Variants in A2M observed in about 807,000 individuals in gnomAD.
A2M encodes the protein alpha-2-macroglobulin, also known as C3 and PZP-like alpha-2-macroglobulin domain-containing protein 5.
A2M carries 128 observed loss-of-function variants against 183.9 expected under a neutral mutation model. That is an observed-to-expected ratio of 0.70 (90% CI 0.60 to 0.81). The LOEUF is 0.81. A2M is among the 30% of genes least tolerant of loss of function. The pLI is 0.00. For synonymous variants in A2M, 592 were observed against 670.8 expected (o/e 0.88, Z 1.81); for missense variants, 1,495 against 1,787.6 (o/e 0.84, Z 2.95).
At position 9,071,963 on chromosome 12, in the gene A2M, G is replaced by A. The variant is rs566511473; in HGVS notation, c.4103+396C>T. ...ATTAATTATATCATATATAACCTGAGATTTATTATTGCCAGTAGGAATTCT... is the reference window on the plus strand; with the variant it reads ...ATTAATTATATCATATATAACCTGAAATTTATTATTGCCAGTAGGAATTCT... On this transcript the variant is annotated intron_variant, in intron 31 of 35. Transcript: ENST00000318602. 3.9e-5 allele frequency among the ~76,000 whole-genome samples: 6 copies of A among 152,180 alleles called. No individual in the cohort carries two copies. The South Asian group carries it at 1.0e-3, about 26-fold the overall frequency.
At position 9,102,182 on chromosome 12, in the gene A2M, G is replaced by C. The variant is rs147741566; in HGVS notation, c.1267-508C>G. Among the ~76,000 whole-genome samples the C allele has an allele frequency of 3.3e-5, 5 of 152,270 alleles. No homozygotes were observed. In the South Asian group the frequency reaches 6.2e-4, roughly 19 times the overall value. On this transcript the variant is annotated intron_variant, in intron 11 of 35. Transcript: ENST00000318602. ...GAGCTGAGCTGATGAATTAGCTGAAGTCTACCTCTTCTGGGCTATCTTAGG... is the reference window on the plus strand; with the variant it reads ...GAGCTGAGCTGATGAATTAGCTGAACTCTACCTCTTCTGGGCTATCTTAGG...
rs779549814 is a variant in A2M, at chr12:9,100,523, C to A, written c.1558+621G>T. On this transcript the variant is annotated intron_variant, in intron 13 of 35. Coordinates refer to ENST00000318602, the MANE Select transcript of A2M (RefSeq NM_000014.6). ...CAAACTCCTGACCTCAAGAGATCCT[C>A]CCATCCCGTTCTCCCAAAGTACTGG... Among the ~76,000 whole-genome samples, 5 of 152,200 alleles carry A rather than the reference C, an allele frequency of 3.3e-5. No individual in the cohort carries two copies. The East Asian group carries it at 9.6e-4, about 29-fold the overall frequency.
At position 9,106,350 on chromosome 12, in the gene A2M, A is replaced by G. The variant is rs1938281992; in HGVS notation, c.995-5T>C. On this transcript the variant is annotated splice_region_variant and splice_polypyrimidine_tract_variant and intron_variant, in intron 9 of 35. Coordinates refer to ENST00000318602, the MANE Select transcript of A2M (RefSeq NM_000014.6). The stretch of plus-strand genomic sequence containing the variant: ...GCCTTCCAGTCAATTCCACCACTGA[A>G]AAAAGAGAAAAAAATCTGTTATTTT... 1 of 1,581,670 alleles carries G rather than the reference A, an allele frequency of 6.3e-7. No individual in the cohort carries two copies.
chr12:9,080,114 C>A lies in A2M; in HGVS notation c.2834G>T (p.Arg945Leu). The change falls in exon 23 of 36, where the codon CGA (arginine) becomes CTA (leucine). Residue 945 changes from arginine (R) to leucine (L), a missense_variant. Coordinates refer to ENST00000318602, the MANE Select transcript of A2M (RefSeq NM_000014.6). ...LPPNVVEESA[R>L]ASVSVLGDIL... is the part of the protein sequence containing the mutation. ...CTCACCCAAAACTGAGACAGAAGCTCGGGCAGATTCTTCTACCACATTTGG... is the reference window on the plus strand; with the variant it reads ...CTCACCCAAAACTGAGACAGAAGCTAGGGCAGATTCTTCTACCACATTTGG... 1 of 1,588,304 alleles carries A rather than the reference C, an allele frequency of 6.3e-7. No individual in the cohort carries two copies. Among genetic ancestry groups the A allele is most frequent in the South Asian group, 1.2e-5 (1 of 86,604 alleles).
At position 9,104,244 on chromosome 12, in the gene A2M, C is replaced by A. The variant is rs1377845893; in HGVS notation, c.1261G>T (p.Val421Phe). Residue 421 changes from valine (V) to phenylalanine (F), a missense_variant, in exon 11 of 36, where the codon GTT becomes TTT. Transcript: ENST00000318602. ...TAATTTCTTTCCAAACTTACCCTAACAGTAAGAGAGGTACCCATAACATTG... is the reference window on the plus strand; with the variant it reads ...TAATTTCTTTCCAAACTTACCCTAAAAGTAAGAGAGGTACCCATAACATTG... ...TTNVMGTSLTVRVNYKDRSPC... is the reference protein window; with the variant it reads ...TTNVMGTSLTFRVNYKDRSPC... 6.2e-7 allele frequency: 1 copy of A among 1,610,154 alleles called. No individual in the cohort carries two copies. The highest frequency in any genetic ancestry group is 1.7e-5 in the Admixed American group (1 of 59,482).
At chr12:9,103,139 T>A (rs1938015901) in intron 11 of A2M, among the ~76,000 whole-genome samples, 1 of 152,166 alleles carries the variant, frequency 6.6e-6, no homozygotes, top group Admixed American at 6.5e-5. Context: ...TTGGAGTATA[T>A]ATATTTAAAA....
intron 22 of A2M, among the ~76,000 whole-genome samples, chr12:9,085,904 A>G (rs935446062): frequency 6.6e-6 from 1 of 152,200 alleles, no homozygotes; most frequent in Non-Finnish European, 1.5e-5. Flanking sequence ...GAAGAAATGA[A>G]TGCATTCCTA....
rs180833627 is a variant in A2M at position 9,082,106 on chromosome 12, T to C, written c.2771-1929A>G. On this transcript the variant is annotated intron_variant, in intron 22 of 35. Coordinates refer to ENST00000318602, the MANE Select transcript of A2M (RefSeq NM_000014.6). ...ATAGAAGTGTAGGGGTTAAATATGCTTGACCTGGGAGTCTAAAGGGTAGCT... is the reference window on the plus strand; with the variant it reads ...ATAGAAGTGTAGGGGTTAAATATGCCTGACCTGGGAGTCTAAAGGGTAGCT... 7.9e-5 allele frequency among the ~76,000 whole-genome samples: 12 copies of C among 152,322 alleles called. No individual in the cohort carries two copies. The East Asian group carries it at 1.9e-3, about 24-fold the overall frequency.
intron 22 of A2M, among the ~76,000 whole-genome samples, chr12:9,080,822 T>G (rs1402784024): frequency 2.0e-5 from 3 of 152,158 alleles, no homozygotes; most frequent in South Asian, 2.1e-4. Context: ...GTATGGTATT[T>G]ATTTTCATAC....
At chr12:9,084,394 T>A (rs142264180) in intron 22 of A2M, among the ~76,000 whole-genome samples, 5 of 152,138 alleles carry the variant, frequency 3.3e-5, no homozygotes. Flanking sequence ...AAATTGTCAA[T>A]AAATACACAT....
chr12:9,115,365 A>T (rs1283729277), intron 1 of A2M: 1 of 162,184 alleles, frequency 6.2e-6, no homozygotes. Flanking sequence ...AGATTTTTAT[A>T]CTCCAGGGCA....
chr12:9,093,630 A>T, intron 17 of A2M, 51 bp from the exon 18 acceptor site: 1 of 1,018,818 alleles, frequency 9.8e-7, no homozygotes, highest in Non-Finnish European at 1.4e-6. Flanking sequence ...GATAAAGCTT[A>T]TGAGAGAATG....
In A2M at chr12:9,101,557, C is replaced by T. The variant is rs61730079; in HGVS notation, c.1384G>A (p.Glu462Lys). 3.5e-4 allele frequency: 559 copies of T among 1,613,926 alleles called. 5 individuals carry two copies. In the African/African-American group the frequency reaches 6.8e-3, roughly 20 times the overall value. ...FSPSKSFVHLEPMSHELPCGH... is the reference protein window; with the variant it reads ...FSPSKSFVHLKPMSHELPCGH... Reference sequence around the variant, plus strand: ...CAGGGTAGTTCATGAGACATGGGCTCAAGGTGGACAAAGCTCTTGCTTGGG... The same window carrying T: ...CAGGGTAGTTCATGAGACATGGGCTTAAGGTGGACAAAGCTCTTGCTTGGG... The change falls in exon 12 of 36, where the codon GAG (glutamate) becomes AAG (lysine). Residue 462 changes from glutamate to lysine, a missense_variant. By Grantham distance (56) the Glu-to-Lys change is moderately conservative. Coordinates refer to ENST00000318602, the MANE Select transcript of A2M (RefSeq NM_000014.6).
At chr12:9,095,817 T>A (rs1949361816) in intron 15 of A2M, 117 bp from the exon 16 acceptor site, 2 of 807,072 alleles carry the variant, frequency 2.5e-6, no homozygotes, top group East Asian at 3.2e-5. Context: ...CGGACTGCAG[T>A]GGCGCAATCT....
chr12:9,091,028 A>G (rs1426387511), intron 19 of A2M, among the ~76,000 whole-genome samples, 173 bp downstream of exon 19: 1 of 152,198 alleles, frequency 6.6e-6, no homozygotes, highest in African/African-American at 2.4e-5. Context: ...AAGGGCTAGA[A>G]ACTTGCTTTA....
At chr12:9,098,807 T>A in intron 14 of A2M, 51 bp from the exon 15 acceptor site, 1 of 1,591,854 alleles carries the variant, frequency 6.3e-7, no homozygotes, top group South Asian at 1.1e-5. Context: ...GGTTTACCCA[T>A]GCATTCACTC....
At chr12:9,080,030 G>T in intron 23 of A2M, 64 bp downstream of exon 23, 1 of 1,090,406 alleles carries the variant, frequency 9.2e-7, no homozygotes. Context: ...AAATATTTAT[G>T]GGAAATAAAA....
intron 35 of A2M, 55 bp downstream of exon 35, chr12:9,068,128 G>C (rs887872921): frequency 9.5e-6 from 15 of 1,580,928 alleles, no homozygotes; most frequent in African/African-American, 1.4e-5. Flanking sequence ...GAGAAGGTTT[G>C]GGGGGCAAGC....
chr12:9,101,017 G>A, intron 13 of A2M, 127 bp downstream of exon 13: 1 of 810,398 alleles, frequency 1.2e-6, no homozygotes, highest in Non-Finnish European at 1.9e-6. Context: ...ATTCATTCAT[G>A]TGACCAAACA....
Sources: allele counts gnomAD v4.1 joint callset (sites outside exome capture counted in the v4.1 genomes callset), GRCh38; gene constraint gnomAD v4.1.1; transcripts MANE v1.5; gene names NCBI Gene and HGNC (gene_info 2026-07-23, HGNC 2026-07-21).